Variants in FANCA observed in about 807,000 individuals in gnomAD.
FANCA encodes FA complementation group A.
Under a neutral mutation model 194.3 loss-of-function variants are expected in FANCA, and 236 were observed. That is an observed-to-expected ratio of 1.21 (90% CI 1.09 to 1.35). The LOEUF (loss-of-function observed/expected upper bound fraction) is 1.35, where lower values mean the gene tolerates loss of function less well. Among genes scored for constraint, FANCA ranks in the 40% most tolerant of loss-of-function variants. FANCA has a pLI of 0.00. For missense variants in FANCA, 2,628 were observed against 1,813.9 expected (o/e 1.45, Z -8.15); for synonymous variants, 1,014 against 715.8 (o/e 1.42, Z -6.65).
At position 89,753,149 on chromosome 16, in the gene FANCA, TCTCCTCTCCCTCTCTGC is replaced by T. The variant is rs547496987; in HGVS notation, c.2982-944_2982-928del. Among the ~76,000 whole-genome samples, 8 of 152,322 alleles carry T rather than the reference TCTCCTCTCCCTCTCTGC, an allele frequency of 5.3e-5. No homozygotes were observed. In the South Asian group the frequency reaches 1.7e-3, roughly 32 times the overall value. On this transcript the variant is annotated intron_variant, in intron 30 of 42. Transcript: ENST00000389301. Reference sequence around the variant, plus strand: ...ATGGCGTAAGCTGTCTTTCTCTCTGTCTCCTCTCCCTCTCTGCCTCAGCTGCCAGGCAGGGACGGGCC... The same window carrying T: ...ATGGCGTAAGCTGTCTTTCTCTCTGTCTCAGCTGCCAGGCAGGGACGGGCC...
At chr16:89,747,088 G>A (rs548999897) in intron 33 of FANCA, among the ~76,000 whole-genome samples, 198 bp from the exon 34 acceptor site, 45 of 152,292 alleles carry the variant, frequency 3.0e-4, no homozygotes, top group African/African-American at 1.1e-3. Context: ...TTCCCTGGGC[G>A]GCCAGATCCT....
intron 29 of FANCA, among the ~76,000 whole-genome samples, chr16:89,759,906 T>G (rs530603032): frequency 6.6e-6 from 1 of 151,394 alleles, no homozygotes; most frequent in Non-Finnish European, 1.5e-5. Flanking sequence ...TGTCCGGGAC[T>G]GGGGTGCTCC....
In FANCA at chr16:89,773,318, G is replaced by T; in HGVS notation, c.1967C>A (p.Ala656Glu). ...CATGGAGGCTCTCAGCTCTCCCAGT[G>T]CAGCTGTGAGCTGTCCCAGGGGCTC... ...AEEPLGQLTA[A>E]LGELRASMTD... is the part of the protein sequence containing the mutation. Residue 656 changes from alanine to glutamate, a missense_variant, in exon 22 of 43, where the codon GCA becomes GAA. By Grantham distance (107) the Ala-to-Glu change is moderately radical. Coordinates refer to ENST00000389301, the MANE Select transcript of FANCA (RefSeq NM_000135.4). The T allele has an allele frequency of 1.9e-6, 3 of 1,551,598 alleles. No homozygotes were observed. The highest frequency in any genetic ancestry group is 2.6e-6 in the Non-Finnish European group (3 of 1,147,012).
intron 5 of FANCA, 79 bp from the exon 6 acceptor site, chr16:89,808,446 C>A: frequency 7.0e-7 from 1 of 1,430,414 alleles, no homozygotes; most frequent in Non-Finnish European, 9.8e-7. Context: ...ATGCATTTTC[C>A]TACAAAATGT....
chr16:89,746,614 C>T lies in FANCA; in HGVS notation c.3483G>A (p.Thr1161=), dbSNP rs768306527. 22 of 1,614,052 alleles carry T rather than the reference C, an allele frequency of 1.4e-5. No individual in the cohort carries two copies. Among genetic ancestry groups the T allele is most frequent in the East Asian group, 4.5e-5 (2 of 44,894 alleles). ...MVDFILAKCQ[T]KCPLILTSAL... is the part of the protein sequence containing the mutation. ...CAGAGGTCAAAATTAAGGGGCATTTCGTCTGGCACTTGGCCAGTATGAAGT... is the reference window on the plus strand; with the variant it reads ...CAGAGGTCAAAATTAAGGGGCATTTTGTCTGGCACTTGGCCAGTATGAAGT... The change falls in exon 35 of 43, where the codon ACG becomes ACA. Residue 1161 remains threonine (T), a synonymous_variant. Transcript: ENST00000389301.
chr16:89,738,720 G>T lies in FANCA; in HGVS notation c.4261-12C>A, dbSNP rs751989527. On this transcript the variant is annotated splice_polypyrimidine_tract_variant and intron_variant, in intron 42 of 42. Transcript: ENST00000389301. The stretch of plus-strand genomic sequence containing the variant: ...CGATCAGCCAGCAGCTGTGAGAGAG[G>T]AGCAGGTCCTCAGCCCATGCCGCCC... 1.9e-6 allele frequency: 3 copies of T among 1,613,686 alleles called. No homozygotes were observed. Among genetic ancestry groups the T allele is most frequent in the Non-Finnish European group, 2.5e-6 (3 of 1,179,870 alleles).
intron 17 of FANCA, among the ~76,000 whole-genome samples, chr16:89,782,234 A>G (rs1401510404): frequency 6.7e-6 from 1 of 149,912 alleles, no homozygotes; most frequent in Non-Finnish European, 1.5e-5. Flanking sequence ...AAAATTAGCC[A>G]GGCGTGGTGG....
rs978351272 is a variant in FANCA at position 89,816,451 on chromosome 16, G to C, written c.79+86C>G. 6.6e-6 allele frequency: 8 copies of C among 1,213,242 alleles called. No individual in the cohort carries two copies. In the Admixed American group the frequency reaches 1.5e-4, roughly 23 times the overall value. The allele number at this position is 1,213,242 out of a possible 1,614,324, so 75.2% of individuals were successfully genotyped here. A position where few individuals can be genotyped will look rare whatever the true frequency, so the allele number is the denominator to read the frequency against. On this transcript the variant is annotated intron_variant, in intron 1 of 42. Coordinates refer to ENST00000389301, the MANE Select transcript of FANCA (RefSeq NM_000135.4). ...GGCGTCCGGGGATCCGACCGGCGGA[G>C]GCTCTGGCGGGAAGGGATCGGGGAA...
rs2040109293 is a variant in FANCA, at chr16:89,792,491, G to A, written c.1063C>T (p.Leu355Phe). 6.2e-7 allele frequency: 1 copy of A among 1,613,468 alleles called. No homozygotes were observed. Among genetic ancestry groups the A allele is most frequent in the African/African-American group, 1.3e-5 (1 of 75,040 alleles). The change falls in exon 12 of 43, where the codon CTC becomes TTC. Residue 355 changes from leucine to phenylalanine, a missense_variant. Transcript: ENST00000389301. ...CTCACCCTGCGGTACAGTGAGGTGA[G>A]CAGAGGGTGTGTCCGCGCAAAGCTC... ...EWSFARTHPLLTSLYRRLFVM... is the reference protein window; with the variant it reads ...EWSFARTHPLFTSLYRRLFVM...
In FANCA at chr16:89,782,773, AAACTC is replaced by A. The variant is rs55710645; in HGVS notation, c.1626+81_1626+85del. On this transcript the variant is annotated intron_variant, in intron 17 of 42. Transcript: ENST00000389301. ...CAGACATGAGACTGGGAAGGCTGAAAAACTCAACTCAAGAGTCAAAAGAAACTGGA... is the reference window on the plus strand; with the variant it reads ...CAGACATGAGACTGGGAAGGCTGAAAAACTCAAGAGTCAAAAGAAACTGGA... 184 of 1,260,584 alleles carry A rather than the reference AAACTC, an allele frequency of 1.5e-4. 1 individual carries two copies. The East Asian group carries it at 4.0e-3, about 27-fold the overall frequency. 78.1% of individuals were successfully genotyped at this position (1,260,584 alleles called of 1,614,324 possible). A position where few individuals can be genotyped will look rare whatever the true frequency, so the allele number is the denominator to read the frequency against.
rs568293451 is a variant in FANCA, at chr16:89,738,670, G to A, written c.4299C>T (p.Ser1433=). The A allele has an allele frequency of 3.5e-5, 56 of 1,613,744 alleles. No individual in the cohort carries two copies. The highest frequency in any genetic ancestry group is 8.9e-5 in the East Asian group (4 of 44,878). Reference sequence around the variant, plus strand: ...CCTGCTGTCTGCTCTGGAGGGCGGCGCTCACCTCTGGGTCGCAGTCCCCAC... The same window carrying A: ...CCTGCTGTCTGCTCTGGAGGGCGGCACTCACCTCTGGGTCGCAGTCCCCAC... ...ADRGDCDPEV[S]AALQSRQQAA... Residue 1433 remains serine, a synonymous_variant, in exon 43 of 43, where the codon AGC becomes AGT. Coordinates refer to ENST00000389301, the MANE Select transcript of FANCA (RefSeq NM_000135.4).
In FANCA at chr16:89,738,212, C is replaced by T; in HGVS notation, c.*389G>A. 6.2e-7 allele frequency: 1 copy of T among 1,610,428 alleles called. No homozygotes were observed. The highest frequency in any genetic ancestry group is 8.5e-7 in the Non-Finnish European group (1 of 1,178,772). On this transcript the variant is annotated 3_prime_UTR_variant, in exon 43 of 43. Transcript: ENST00000389301. ...GGGCCACCGAGCCCCTCTGTGACCA[C>T]AGAGGGCCAGGCGGTGAAGCCCGAA...
chr16:89,747,833 C>G (rs2143118926), intron 33 of FANCA, among the ~76,000 whole-genome samples: 1 of 152,352 alleles, frequency 6.6e-6, no homozygotes, highest in Non-Finnish European at 1.5e-5. Flanking sequence ...AAGCTGCTCT[C>G]TGTAGAGTGG....
In FANCA at chr16:89,737,959, C is replaced by T. The variant is rs532231543; in HGVS notation, c.*642G>A. ...GGCTGTGGCCCTCGCACCTTCTTAT[C>T]TGCCTCTGTCCCCCAGGTGTGAGGT... On this transcript the variant is annotated 3_prime_UTR_variant, in exon 43 of 43. Coordinates refer to ENST00000389301, the MANE Select transcript of FANCA (RefSeq NM_000135.4). 1.9e-6 allele frequency: 3 copies of T among 1,614,144 alleles called. No individual in the cohort carries two copies. The highest frequency in any genetic ancestry group is 4.5e-5 in the East Asian group (2 of 44,886).
chr16:89,767,054 G>A lies in FANCA; in HGVS notation c.2601+87C>T, dbSNP rs954539227. The A allele has an allele frequency of 5.3e-5, 56 of 1,063,624 alleles. 1 individual carries two copies. Among genetic ancestry groups the A allele is most frequent in the African/African-American group, 1.1e-4 (7 of 63,718 alleles). 65.9% of individuals were successfully genotyped at this position (1,063,624 alleles called of 1,614,324 possible). ...GCTGCCCCTGAGATGGGCACAAAGC[G>A]GCAGCAGACCTCGGCCTTCCGGTCC... On this transcript the variant is annotated intron_variant, in intron 27 of 42. Coordinates refer to ENST00000389301, the MANE Select transcript of FANCA (RefSeq NM_000135.4).
intron 29 of FANCA, among the ~76,000 whole-genome samples, chr16:89,761,111 G>A (rs1055607136): frequency 6.6e-6 from 1 of 152,278 alleles, no homozygotes. Context: ...CTTAAATAAA[G>A]GAATAACAAC....
At position 89,776,159 on chromosome 16, in the gene FANCA, C is replaced by CTT. The variant is rs3069458; in HGVS notation, c.1827-346_1827-345dup. Among the ~76,000 whole-genome samples the CTT allele has an allele frequency of 2.4e-3, 226 of 93,284 alleles. 5 individuals are homozygous for CTT. The highest frequency in any genetic ancestry group is 8.8e-3 in the Middle Eastern group (1 of 114). 61.2% of individuals were successfully genotyped at this position (93,284 alleles called of 152,430 possible). A position where few individuals can be genotyped will look rare whatever the true frequency, so the allele number is the denominator to read the frequency against. On this transcript the variant is annotated intron_variant, in intron 20 of 42. Transcript: ENST00000389301. ...ATTCAAAACACGAATCTTTGTTTTT[C>CTT]TTTTTTTTTTTTTTTTTTTTTTTTT...
chr16:89,781,764 C>T (rs1332377675), intron 17 of FANCA, among the ~76,000 whole-genome samples: 1 of 151,620 alleles, frequency 6.6e-6, no homozygotes, highest in African/African-American at 2.4e-5. Context: ...CTTTGAGAGG[C>T]CGAGACGGGC....
At chr16:89,809,759 G>A (rs972704582) in intron 5 of FANCA, among the ~76,000 whole-genome samples, 44 of 151,378 alleles carry the variant, frequency 2.9e-4, no homozygotes, top group African/African-American at 9.2e-4. Flanking sequence ...AGGCTGAGGC[G>A]GGAGAATGGC....
Sources: gnomAD v4.1 joint callset for allele counts (sites outside exome capture counted in the v4.1 genomes callset) on GRCh38, gnomAD v4.1.1 for gene constraint, MANE v1.5 for transcripts, NCBI Gene and HGNC (gene_info 2026-07-23, HGNC 2026-07-21) for gene names.